KCND2: variants seen among roughly 807,000 people sequenced by gnomAD.
KCND2 encodes the protein A-type voltage-gated potassium channel KCND2.
A neutral mutation model predicts 54.4 loss-of-function variants in KCND2; 16 were observed. That is an observed-to-expected ratio of 0.29 (90% CI 0.20 to 0.45). The LOEUF (loss-of-function observed/expected upper bound fraction) is 0.45, where lower values mean the gene tolerates loss of function less well. Ranked by LOEUF, KCND2 falls within the 20% of genes least tolerant of loss-of-function variation. The probability of loss-of-function intolerance (pLI) is 1.00; values close to 1 mark genes in which losing one functional copy is unlikely to be tolerated. For missense variants in KCND2, 486 were observed against 824.2 expected (o/e 0.59, Z 5.02); for synonymous variants, 317 against 310.7 (o/e 1.02, Z -0.21).
intron 1 of KCND2, among the ~76,000 whole-genome samples, chr7:120,349,093 C>A (rs1800364261): frequency 6.6e-6 from 1 of 152,118 alleles, no homozygotes; most frequent in Admixed American, 6.6e-5. Flanking sequence ...AATATCTTAC[C>A]ACCCCTCATA....
At chr7:120,602,546 C>T (rs530848154) in intron 1 of KCND2, among the ~76,000 whole-genome samples, 1 of 152,162 alleles carries the variant, frequency 6.6e-6, no homozygotes, top group East Asian at 1.9e-4. Context: ...AGGACACCCC[C>T]TTTCAACTAC....
chr7:120,461,848 G>A (rs1802288417), intron 1 of KCND2, among the ~76,000 whole-genome samples: 1 of 151,910 alleles, frequency 6.6e-6, no homozygotes, highest in Non-Finnish European at 1.5e-5. Context: ...CCATTGCAGA[G>A]CTAACAAATC....
intron 1 of KCND2, among the ~76,000 whole-genome samples, chr7:120,594,580 AAC>A (rs1470763554): frequency 1.3e-5 from 2 of 152,236 alleles, no homozygotes; most frequent in Admixed American, 1.3e-4. Context: ...ATTTTGTAGA[AAC>A]ACAAACTTCA....
At chr7:120,611,476 T>G (rs1293405249) in intron 1 of KCND2, among the ~76,000 whole-genome samples, 1 of 152,108 alleles carries the variant, frequency 6.6e-6, no homozygotes, top group Non-Finnish European at 1.5e-5. Context: ...ACTTTTGCTG[T>G]CAGAATGTGA....
intron 1 of KCND2, among the ~76,000 whole-genome samples, chr7:120,325,702 A>C (rs946002921): frequency 6.6e-6 from 1 of 152,052 alleles, no homozygotes; most frequent in Non-Finnish European, 1.5e-5. Flanking sequence ...GGTTTTAATT[A>C]ATAGGTGAAA....
At chr7:120,586,340 A>G (rs1027231058) in intron 1 of KCND2, among the ~76,000 whole-genome samples, 20 of 152,086 alleles carry the variant, frequency 1.3e-4, no homozygotes, top group African/African-American at 4.8e-4. Context: ...TTTGATTCTC[A>G]TTTCCTCCAT....
At position 120,747,942 on chromosome 7, in the gene KCND2, T is replaced by C; in HGVS notation, c.*84T>C. 9.1e-7 allele frequency: 1 copy of C among 1,094,588 alleles called. No individual in the cohort carries two copies. The highest frequency in any genetic ancestry group is 1.4e-6 in the Non-Finnish European group (1 of 735,224). The allele number at this position is 1,094,588 out of a possible 1,614,324, so 67.8% of individuals were successfully genotyped here. A position where few individuals can be genotyped will look rare whatever the true frequency, so the allele number is the denominator to read the frequency against. On this transcript the variant is annotated 3_prime_UTR_variant, in exon 6 of 6. Transcript: ENST00000331113. ...TAGAAGAAAGAAGAAACAATAAATA[T>C]TCTGCAGATTAATGCAGCAAAGAAA...
intron 1 of KCND2, among the ~76,000 whole-genome samples, chr7:120,568,358 A>G (rs1792323941): frequency 6.6e-6 from 1 of 152,240 alleles, no homozygotes; most frequent in South Asian, 2.1e-4. Flanking sequence ...AGCAAAATGT[A>G]CAATTTCATT....
intron 1 of KCND2, among the ~76,000 whole-genome samples, chr7:120,365,749 T>A (rs190457363): frequency 2.0e-5 from 3 of 152,236 alleles, no homozygotes; most frequent in Admixed American, 6.5e-5. Context: ...CAGGAAAAGA[T>A]AAATGAGATT....
chr7:120,449,278 G>C (rs866689241), intron 1 of KCND2, among the ~76,000 whole-genome samples: 1 of 149,996 alleles, frequency 6.7e-6, no homozygotes, highest in Admixed American at 6.6e-5. Flanking sequence ...TCAGTGAGCC[G>C]AGATCACGCC....
At chr7:120,484,322 A>G (rs1459584321) in intron 1 of KCND2, among the ~76,000 whole-genome samples, 1 of 151,934 alleles carries the variant, frequency 6.6e-6, no homozygotes, top group Non-Finnish European at 1.5e-5. Context: ...TTCCCAGCTA[A>G]TTTTCTATTT....
At chr7:120,338,016 A>G (rs954307465) in intron 1 of KCND2, among the ~76,000 whole-genome samples, 4 of 152,190 alleles carry the variant, frequency 2.6e-5, no homozygotes, top group Non-Finnish European at 5.9e-5. Context: ...TCCATTAAAT[A>G]TAACATCTTT....
At chr7:120,642,924 T>C (rs1793396160) in intron 1 of KCND2, among the ~76,000 whole-genome samples, 1 of 152,252 alleles carries the variant, frequency 6.6e-6, no homozygotes, top group African/African-American at 2.4e-5. Flanking sequence ...CCACAACATG[T>C]ATCAGAATTT....
chr7:120,638,610 G>A (rs1031867371), intron 1 of KCND2, among the ~76,000 whole-genome samples: 2 of 152,114 alleles, frequency 1.3e-5, no homozygotes, highest in Non-Finnish European at 2.9e-5. Flanking sequence ...CTAAGGATAT[G>A]TGTGATTTTC....
chr7:120,590,057 C>T (rs1467540623), intron 1 of KCND2, among the ~76,000 whole-genome samples: 2 of 152,264 alleles, frequency 1.3e-5, no homozygotes. Flanking sequence ...CCCTGTCACC[C>T]AGGCTGGAGT....
chr7:120,483,172 A>G (rs1017992628), intron 1 of KCND2, among the ~76,000 whole-genome samples: 1 of 152,184 alleles, frequency 6.6e-6, no homozygotes, highest in Non-Finnish European at 1.5e-5. Context: ...AAAACACTCA[A>G]TTAGCCTTTC....
intron 1 of KCND2, among the ~76,000 whole-genome samples, chr7:120,276,068 T>C (rs1799168998): frequency 6.6e-6 from 1 of 152,102 alleles, no homozygotes; most frequent in South Asian, 2.1e-4. Flanking sequence ...AAACAAAATC[T>C]ATGCCCTAAT....
intron 1 of KCND2, among the ~76,000 whole-genome samples, chr7:120,486,383 C>A (rs1168883460): frequency 6.6e-6 from 1 of 152,086 alleles, no homozygotes; most frequent in Admixed American, 6.6e-5. Context: ...GTGATTCATG[C>A]TGCCAAACCT....
chr7:120,344,211 A>G (rs1800280173), intron 1 of KCND2, among the ~76,000 whole-genome samples: 1 of 152,178 alleles, frequency 6.6e-6, no homozygotes, highest in Non-Finnish European at 1.5e-5. Context: ...GTTTAAGATA[A>G]AAATAATAAT....
Sources: gnomAD v4.1 joint callset for allele counts (sites outside exome capture counted in the v4.1 genomes callset) on GRCh38, gnomAD v4.1.1 for gene constraint, MANE v1.5 for transcripts, NCBI Gene and HGNC (gene_info 2026-07-23, HGNC 2026-07-21) for gene names.